BTAF1: variants seen among roughly 807,000 people sequenced by gnomAD.
BTAF1 encodes TATA-binding protein-associated factor 172.
Under a neutral mutation model 227.1 loss-of-function variants are expected in BTAF1, and 38 were observed. The observed-to-expected ratio is 0.17, with a 90% CI of 0.13 to 0.22. The LOEUF (loss-of-function observed/expected upper bound fraction) is 0.22. Ranked by LOEUF, BTAF1 falls within the 10% of genes least tolerant of loss-of-function variation. The pLI is 1.00. For missense variants in BTAF1, 1,598 were observed against 2,204.0 expected (o/e 0.73, Z 5.51); for synonymous variants, 742 against 751.9 (o/e 0.99, Z 0.21).
intron 25 of BTAF1, among the ~76,000 whole-genome samples, chr10:91,999,349 A>G (rs1849347585): frequency 6.6e-6 from 1 of 152,202 alleles, no homozygotes; most frequent in Admixed American, 6.5e-5. Context: ...TAATGACCTG[A>G]AAAATTCATC....
Position 91,923,969 on chromosome 10 carries a change from C to A in BTAF1, c.-108C>A, listed in dbSNP as rs1843651981. The A allele has an allele frequency of 7.2e-7, 1 of 1,384,592 alleles. No individual in the cohort carries two copies. 85.8% of individuals were successfully genotyped at this position (1,384,592 alleles called of 1,614,324 possible). ...AACGCCCCACGCCGCACCGGCCGCT[C>A]CCCTGTGCTCCGCGGCCTGGGCCTG... On this transcript the variant is annotated 5_prime_UTR_variant, in exon 1 of 38. Coordinates refer to ENST00000265990, the MANE Select transcript of BTAF1 (RefSeq NM_003972.3).
intron 7 of BTAF1, among the ~76,000 whole-genome samples, 167 bp from the exon 8 acceptor site, chr10:91,957,058 G>T (rs1794138119): frequency 6.6e-6 from 1 of 151,906 alleles, no homozygotes; most frequent in African/African-American, 2.4e-5. Flanking sequence ...ATAATCTATT[G>T]AGAGAAATTT....
In BTAF1 at chr10:91,956,421, G is replaced by C. The variant is rs945961904; in HGVS notation, c.702-107G>C. 1.0e-5 allele frequency: 13 copies of C among 1,280,610 alleles called. No homozygotes were observed. The African/African-American group carries it at 2.0e-4, about 20-fold the overall frequency. The allele number at this position is 1,280,610 out of a possible 1,614,324, so 79.3% of individuals were successfully genotyped here. A position where few individuals can be genotyped will look rare whatever the true frequency, so the allele number is the denominator to read the frequency against. On this transcript the variant is annotated intron_variant, in intron 6 of 37. Transcript: ENST00000265990. ...GGTGTAAAACATTTGTTTAAATGAT[G>C]GATTATCTTAAATTCATTGTGATTC...
chr10:91,980,634 C>G (rs1297033987), intron 15 of BTAF1, 76 bp downstream of exon 15: 7 of 1,128,734 alleles, frequency 6.2e-6, no homozygotes, highest in African/African-American at 1.5e-5. Context: ...AATTGCTGTT[C>G]TGTTGGTCAT....
chr10:92,031,206 G>A lies in BTAF1; in HGVS notation c.*2273G>A, dbSNP rs1412309527. 6.6e-6 allele frequency among the ~76,000 whole-genome samples: 1 copy of A among 152,144 alleles called. No individual in the cohort carries two copies. Among genetic ancestry groups the A allele is most frequent in the Non-Finnish European group, 1.5e-5 (1 of 68,016 alleles). ...ATTAGTCTTATCATTTGGGTTTCTT[G>A]TAGGAAAATCTTAACATTTGGGGGC... On this transcript the variant is annotated 3_prime_UTR_variant, in exon 38 of 38. Coordinates refer to ENST00000265990, the MANE Select transcript of BTAF1 (RefSeq NM_003972.3).
At chr10:92,026,986 A>G (rs1394627916) in intron 36 of BTAF1, 144 bp from the exon 37 acceptor site, 4 of 952,264 alleles carry the variant, frequency 4.2e-6, no homozygotes, top group Non-Finnish European at 6.2e-6. Context: ...TGCTGCACAC[A>G]TTTTGAGCTC....
chr10:91,928,819 GTTGT>G (rs1215981629), intron 1 of BTAF1, among the ~76,000 whole-genome samples: 30 of 129,952 alleles, frequency 2.3e-4, no homozygotes, highest in African/African-American at 4.6e-4. Flanking sequence ...TGGCATTTTT[GTTGT>G]TTGTTTGTTT....
Position 91,980,454 on chromosome 10 carries a change from A to T in BTAF1, c.1651A>T (p.Asn551Tyr). 6.2e-7 allele frequency: 1 copy of T among 1,608,462 alleles called. No individual in the cohort carries two copies. The change falls in exon 15 of 38, where the codon AAC becomes TAC. Residue 551 changes from asparagine (N) to tyrosine (Y), a missense_variant and splice_region_variant. Asn to Tyr is a moderately radical substitution (Grantham distance 143, BLOSUM62 -2). This residue lies in a region of BTAF1 where 318 missense variants were observed against 435.0 expected (regional missense o/e 0.73). Transcript: ENST00000265990. ...LFTLLSTQDQ[N>Y]SSSWLIPILP... ...CTTTTAATTCTGTTTTTGTTTTCAGAACTCTTCATCTTGGCTTATACCTAT... is the reference window on the plus strand; with the variant it reads ...CTTTTAATTCTGTTTTTGTTTTCAGTACTCTTCATCTTGGCTTATACCTAT...
Position 91,982,223 on chromosome 10 carries a change from C to T in BTAF1, c.2046C>T (p.Ala682=), listed in dbSNP as rs764187439. ...TTATGCGGGCCAGAATGATGGCAGC[C>T]AAGTGAGTGTACATTAAGTGTCAGG... ...FVVMRARMMA[A]KLLGALCCCI... Residue 682 remains alanine (A), a splice_region_variant and synonymous_variant, in exon 17 of 38, where the codon GCC becomes GCT. Transcript: ENST00000265990. 49 of 1,613,720 alleles carry T rather than the reference C, an allele frequency of 3.0e-5. No individual in the cohort carries two copies. The Admixed American group carries it at 4.2e-4, about 14-fold the overall frequency.
intron 3 of BTAF1, among the ~76,000 whole-genome samples, chr10:91,940,662 T>C (rs1844925205): frequency 6.6e-6 from 1 of 151,942 alleles, no homozygotes; most frequent in Admixed American, 6.6e-5. Flanking sequence ...TATTTTATTA[T>C]TTTGTTTTAT....
chr10:92,010,260 T>C (rs1850206915), intron 28 of BTAF1, among the ~76,000 whole-genome samples: 1 of 152,200 alleles, frequency 6.6e-6, no homozygotes, highest in Non-Finnish European at 1.5e-5. Context: ...TACAGTCAGC[T>C]CAAAAACTTG....
At chr10:92,017,617 C>T (rs553578516) in intron 33 of BTAF1, among the ~76,000 whole-genome samples, 16 of 151,878 alleles carry the variant, frequency 1.1e-4, no homozygotes, top group Admixed American at 1.0e-3. Flanking sequence ...CTCAAGCGAT[C>T]CTCAGCCTCA....
chr10:91,945,443 C>G (rs947884185), intron 4 of BTAF1, among the ~76,000 whole-genome samples: 2 of 151,972 alleles, frequency 1.3e-5, no homozygotes, highest in African/African-American at 4.8e-5. Flanking sequence ...ACGTCAAATC[C>G]CCATTTCCCC....
intron 14 of BTAF1, among the ~76,000 whole-genome samples, chr10:91,978,397 A>C (rs1002650482): frequency 2.0e-5 from 3 of 152,110 alleles, no homozygotes; most frequent in South Asian, 4.1e-4. Context: ...TTTGGGGGGA[A>C]AATCAGAAAT....
intron 9 of BTAF1, 70 bp downstream of exon 9, chr10:91,959,224 A>C: frequency 5.0e-6 from 8 of 1,608,526 alleles, no homozygotes; most frequent in Non-Finnish European, 6.8e-6. Flanking sequence ...GTAGGGAAGT[A>C]ACGAGTATGT....
chr10:91,924,076 C>T lies in BTAF1; in HGVS notation c.-1C>T. 1.9e-6 allele frequency: 3 copies of T among 1,609,096 alleles called. No individual in the cohort carries two copies. The highest frequency in any genetic ancestry group is 1.7e-5 in the Admixed American group (1 of 59,546). On this transcript the variant is annotated 5_prime_UTR_variant, in exon 1 of 38. Coordinates refer to ENST00000265990, the MANE Select transcript of BTAF1 (RefSeq NM_003972.3). ...GAGCTCCGAACCGCCGGCGCCCGGCCATGGCGGTCTCCAGGTGGGTCTTGC... is the reference window on the plus strand; with the variant it reads ...GAGCTCCGAACCGCCGGCGCCCGGCTATGGCGGTCTCCAGGTGGGTCTTGC...
chr10:92,025,276 G>A (rs1851419438), intron 35 of BTAF1, among the ~76,000 whole-genome samples: 1 of 152,156 alleles, frequency 6.6e-6, no homozygotes, highest in Non-Finnish European at 1.5e-5. Context: ...GAATTAGGGT[G>A]AGAGGAACCA....
In BTAF1 at chr10:92,024,868, T is replaced by C. The variant is rs369387886; in HGVS notation, c.4976T>C (p.Ile1659Thr). Reference protein sequence around the residue: ...IFCQLKSMLDIVEHDLLKPHL... With the variant: ...IFCQLKSMLDTVEHDLLKPHL... ...TGTCAGCTGAAAAGCATGCTTGATA[T>C]AGTAGAGCATGATCTCCTCAAACCT... Residue 1659 changes from isoleucine (I) to threonine (T), a missense_variant, in exon 35 of 38, where the codon ATA (isoleucine) becomes ACA (threonine). Around this residue, in one of 10 missense-constraint regions of BTAF1, gnomAD observed 205 missense variants for 244.5 expected, o/e 0.84. Coordinates refer to ENST00000265990, the MANE Select transcript of BTAF1 (RefSeq NM_003972.3). 4.3e-6 allele frequency: 7 copies of C among 1,613,802 alleles called. No homozygotes were observed. Among genetic ancestry groups the C allele is most frequent in the Admixed American group, 1.7e-5 (1 of 59,966 alleles).
chr10:91,936,825 T>C (rs900916947), intron 2 of BTAF1, among the ~76,000 whole-genome samples: 1 of 152,170 alleles, frequency 6.6e-6, no homozygotes, highest in Non-Finnish European at 1.5e-5. Context: ...ACAGGCCTCA[T>C]CTGTGCTGAA....
Sources: allele counts gnomAD v4.1 joint callset (sites outside exome capture counted in the v4.1 genomes callset), GRCh38; gene constraint gnomAD v4.1.1; regional missense constraint gnomAD v4.1.1; transcripts MANE v1.5; gene names NCBI Gene and HGNC (gene_info 2026-07-23, HGNC 2026-07-21).